The following EZH2 variants were observed in gnomAD, a reference collection of about 807,000 sequenced individuals.
EZH2 encodes the protein enhancer of zeste 2 polycomb repressive complex 2 subunit.
A neutral mutation model predicts 98.4 loss-of-function variants in EZH2; 18 were observed. The observed-to-expected ratio is 0.18, with a 90% CI of 0.13 to 0.27. The LOEUF is 0.27. Among genes scored for constraint, EZH2 ranks in the 10% least tolerant of loss-of-function variants. The pLI, the probability that EZH2 is intolerant of heterozygous loss-of-function variation, is 1.00. For synonymous variants in EZH2, 338 were observed against 312.3 expected (o/e 1.08, Z -0.87); for missense variants, 470 against 935.1 (o/e 0.50, Z 6.49).
In EZH2 at chr7:148,815,065, C is replaced by G; in HGVS notation, c.1547-26G>C. On this transcript the variant is annotated intron_variant, in intron 13 of 19. Transcript: ENST00000320356. ...CTGAGTAAAGATAACATCATGCAGGCCAATGAATCCAGGGAGATGGAAACG... is the reference window on the plus strand; with the variant it reads ...CTGAGTAAAGATAACATCATGCAGGGCAATGAATCCAGGGAGATGGAAACG... 4.4e-6 allele frequency: 7 copies of G among 1,609,054 alleles called. No homozygotes were observed. The East Asian group carries it at 1.6e-4, about 36-fold the overall frequency.
At chr7:148,855,974 C>A (rs1816777664) in intron 1 of EZH2, among the ~76,000 whole-genome samples, 1 of 144,430 alleles carries the variant, frequency 6.9e-6, no homozygotes, top group Non-Finnish European at 1.5e-5. Context: ...GGAATTACAA[C>A]ATTTATATTA....
intron 3 of EZH2, chr7:148,836,759 A>G: frequency 2.2e-6 from 1 of 451,400 alleles, no homozygotes; most frequent in Non-Finnish European, 4.4e-6. Context: ...AGGATGCTAC[A>G]TTTTCAGAGA....
intron 3 of EZH2, among the ~76,000 whole-genome samples, chr7:148,835,558 A>G (rs1810681141): frequency 6.6e-6 from 1 of 152,104 alleles, no homozygotes; most frequent in Non-Finnish European, 1.5e-5. Context: ...AGGTGCTTAT[A>G]ATTACCGAAT....
intron 3 of EZH2, among the ~76,000 whole-genome samples, chr7:148,843,861 C>CT (rs904663029): frequency 2.0e-5 from 3 of 152,052 alleles, no homozygotes; most frequent in African/African-American, 7.2e-5. Flanking sequence ...TCCCAAAGTG[C>CT]TGGGATTACA....
At position 148,846,838 on chromosome 7, in the gene EZH2, CTGTGTG is replaced by C. The variant is rs59597308; in HGVS notation, c.118-246_118-241del. On this transcript the variant is annotated intron_variant, in intron 2 of 19. Transcript: ENST00000320356. ...ACGATTGCCATCCTTTCTTTGTTGACTGTGTGTGTGTGTGTGTGTGTGTGTGTGTGT... is the reference window on the plus strand; with the variant it reads ...ACGATTGCCATCCTTTCTTTGTTGACTGTGTGTGTGTGTGTGTGTGTGTGT... 0.18 allele frequency among the ~76,000 whole-genome samples: 24,248 copies of C among 134,952 alleles called. 2,100 individuals carry two copies. Among genetic ancestry groups the C allele is most frequent in the South Asian group, 0.22 (866 of 3,906 alleles). The allele number at this position is 134,952 out of a possible 152,430, so 88.5% of individuals were successfully genotyped here. A position where few individuals can be genotyped will look rare whatever the true frequency, so the allele number is the denominator to read the frequency against.
At chr7:148,877,605 C>T (rs559963498) in intron 1 of EZH2, among the ~76,000 whole-genome samples, 1 of 152,276 alleles carries the variant, frequency 6.6e-6, no homozygotes, top group South Asian at 2.1e-4. Flanking sequence ...GAGGATAACA[C>T]CCCAGACACA....
Position 148,826,512 on chromosome 7 carries a change from C to T in EZH2, c.849G>A (p.Thr283=), listed in dbSNP as rs2129475491. ...ATTTAAAACATCGCCTACAGAAAAG[C>T]GTATGAAAGGAGTGTAAGCTTTGCT... ...QREQSLHSFH[T]LFCRRCFKYD... Residue 283 remains threonine (T), a synonymous_variant, in exon 8 of 20, where the codon ACG becomes ACA. Coordinates refer to ENST00000320356, the MANE Select transcript of EZH2 (RefSeq NM_004456.5). The T allele has an allele frequency of 6.2e-7, 1 of 1,603,336 alleles. No individual in the cohort carries two copies. The highest frequency in any genetic ancestry group is 8.5e-7 in the Non-Finnish European group (1 of 1,173,414).
At chr7:148,878,840 A>G (rs1820532777) in intron 1 of EZH2, among the ~76,000 whole-genome samples, 1 of 152,128 alleles carries the variant, frequency 6.6e-6, no homozygotes, top group Admixed American at 6.6e-5. Context: ...CAGAGGTTGC[A>G]GTGAACTGAG....
intron 1 of EZH2, among the ~76,000 whole-genome samples, chr7:148,862,730 G>A (rs1817866334): frequency 6.6e-6 from 1 of 152,158 alleles, no homozygotes; most frequent in Non-Finnish European, 1.5e-5. Context: ...TGCACAGAAT[G>A]TTACAACTGC....
chr7:148,817,655 G>A, intron 10 of EZH2: 3 of 676,734 alleles, frequency 4.4e-6, no homozygotes, highest in South Asian at 3.9e-5. Flanking sequence ...AGAATAAAGT[G>A]CATCATCAGC....
At chr7:148,813,843 C>T in intron 15 of EZH2, 116 bp downstream of exon 15, 4 of 1,077,108 alleles carry the variant, frequency 3.7e-6, no homozygotes, top group South Asian at 1.6e-5. Flanking sequence ...ATCAGTTGCA[C>T]CTTTCAAGGA....
intron 15 of EZH2, among the ~76,000 whole-genome samples, chr7:148,812,606 AAG>A (rs1322821630): frequency 1.3e-5 from 2 of 152,232 alleles, no homozygotes; most frequent in Non-Finnish European, 2.9e-5. Context: ...TAACATTTTT[AAG>A]AGTTAAAAAA....
rs1460919714 is a variant in EZH2, at chr7:148,884,227, C to T, written c.-71G>A. Reference sequence around the variant, plus strand: ...CGCCCCCGCGCGCCGCCGCCGCCGCCGCCGGGGCTCCACTGCCTTCTGAGT... The same window carrying T: ...CGCCCCCGCGCGCCGCCGCCGCCGCTGCCGGGGCTCCACTGCCTTCTGAGT... On this transcript the variant is annotated 5_prime_UTR_variant, in exon 1 of 20. Coordinates refer to ENST00000320356, the MANE Select transcript of EZH2 (RefSeq NM_004456.5). 4 of 174,874 alleles carry T rather than the reference C, an allele frequency of 2.3e-5. No homozygotes were observed. Among genetic ancestry groups the T allele is most frequent in the East Asian group, 1.0e-4 (1 of 9,760 alleles). The allele number at this position is 174,874 out of a possible 1,614,324, so 10.8% of individuals were successfully genotyped here.
chr7:148,823,808 G>A (rs1338038873), intron 8 of EZH2, among the ~76,000 whole-genome samples: 3 of 151,892 alleles, frequency 2.0e-5, no homozygotes, highest in South Asian at 2.1e-4. Flanking sequence ...GAGCCACCGC[G>A]CCCAGCACAT....
intron 3 of EZH2, among the ~76,000 whole-genome samples, chr7:148,840,056 G>C (rs568758186): frequency 2.0e-5 from 3 of 152,276 alleles, no homozygotes; most frequent in African/African-American, 7.2e-5. Flanking sequence ...ATAATATTGT[G>C]TTGAGAATAT....
Position 148,817,923 on chromosome 7 carries a change from A to G in EZH2, c.1194T>C (p.Asn398=). ...CTTTCTTCTCTTCTTCTTCTTTATC[A>G]TTGTTCTCTCCCCCCGTTTCAGTCC... is the stretch of plus-strand genomic sequence containing the variant. ...EAGTETGGEN[N]DKEEEEKKDE... The change falls in exon 10 of 20, where the codon AAT becomes AAC. Residue 398 remains asparagine, a synonymous_variant. Transcript: ENST00000320356. The G allele has an allele frequency of 6.2e-7, 1 of 1,614,064 alleles. No individual in the cohort carries two copies. Among genetic ancestry groups the G allele is most frequent in the South Asian group, 1.1e-5 (1 of 91,076 alleles).
At chr7:148,860,139 T>C (rs1484602571) in intron 1 of EZH2, among the ~76,000 whole-genome samples, 2 of 151,840 alleles carry the variant, frequency 1.3e-5, no homozygotes, top group African/African-American at 2.4e-5. Flanking sequence ...ATTTAATTTG[T>C]AAATCTGCTC....
chr7:148,823,435 C>G (rs1162359442), intron 8 of EZH2, among the ~76,000 whole-genome samples: 5 of 152,044 alleles, frequency 3.3e-5, no homozygotes, highest in Non-Finnish European at 5.9e-5. Context: ...AAATCCTATC[C>G]TTATTCCAAA....
Position 148,832,703 on chromosome 7 carries a change from T to C in EZH2, c.294A>G (p.Leu98=). The change falls in exon 4 of 20, where the codon TTA becomes TTG. Residue 98 remains leucine (L), a synonymous_variant. Coordinates refer to ENST00000320356, the MANE Select transcript of EZH2 (RefSeq NM_004456.5). The part of the protein sequence containing the change: ...DLDFPTQVIP[L]KTLNAVASVP... The stretch of plus-strand genomic sequence containing the variant: ...CTGAAGCAACTGCATTCAGAGTCTT[T>C]AATGGGATGACTTGTGTTGGAAAAT... 6.2e-7 allele frequency: 1 copy of C among 1,610,692 alleles called. No individual in the cohort carries two copies. The highest frequency in any genetic ancestry group is 8.5e-7 in the Non-Finnish European group (1 of 1,177,780).
Sources: allele counts gnomAD v4.1 joint callset (sites outside exome capture counted in the v4.1 genomes callset), GRCh38; gene constraint gnomAD v4.1.1; transcripts MANE v1.5; gene names NCBI Gene and HGNC (gene_info 2026-07-23, HGNC 2026-07-21).